CREB5: variants seen among roughly 807,000 people sequenced by gnomAD.
CREB5 encodes cAMP responsive element binding protein 5, also known as cyclic AMP-responsive element-binding protein 5.
Under a neutral mutation model 57.1 loss-of-function variants are expected in CREB5, and 19 were observed. The observed-to-expected ratio is 0.33, with a 90% CI of 0.23 to 0.49. The LOEUF (loss-of-function observed/expected upper bound fraction) is 0.49, where lower values mean the gene tolerates loss of function less well. Ranked by LOEUF, CREB5 falls within the 20% of genes least tolerant of loss-of-function variation. The pLI is 0.99. For synonymous variants in CREB5, 238 were observed against 238.3 expected, an observed-to-expected ratio of 1.00 and a Z score of 0.01; for missense variants, 579 against 671.6, an observed-to-expected ratio of 0.86 and a Z score of 1.52.
At chr7:28,508,123 T>A (rs1399309769) in intron 4 of CREB5, among the ~76,000 whole-genome samples, 1 of 152,224 alleles carries the variant, frequency 6.6e-6, no homozygotes, top group African/African-American at 2.4e-5. Flanking sequence ...CTGTTTTCGA[T>A]AATCTTTCCA....
At chr7:28,409,091 A>T (rs561081258), upstream of CREB5, among the ~76,000 whole-genome samples, 227 of 151,976 alleles carry the variant, frequency 1.5e-3, 1 homozygote, top group Non-Finnish European at 2.3e-3. The surrounding 1 kb of genome is among the most constrained non-coding windows in gnomAD (Gnocchi z 4.4). Flanking sequence ...CACTAATGTC[A>T]GGGAGCCGTG....
chr7:28,560,841 T>TGTGC (rs1443960015), intron 4 of CREB5, among the ~76,000 whole-genome samples: 1 of 75,062 alleles, frequency 1.3e-5, no homozygotes, highest in African/African-American at 4.9e-5. Context: ...CGCGTGTGTG[T>TGTGC]GTGCGCGTGT....
chr7:28,412,644 C>G lies in CREB5; in HGVS notation c.-271C>G. On this transcript the variant is annotated 5_prime_UTR_variant, in exon 1 of 11. Coordinates refer to ENST00000357727, the MANE Select transcript of CREB5 (RefSeq NM_182898.4). The stretch of plus-strand genomic sequence containing the variant: ...GTTCAAGACTACTGGAAAAATTAGT[C>G]TCATTACTAAAAGAAACTTAGAGAA... 2.9e-6 allele frequency: 1 copy of G among 344,138 alleles called. No individual in the cohort carries two copies. Among genetic ancestry groups the G allele is most frequent in the East Asian group, 4.3e-5 (1 of 23,112 alleles). The allele number at this position is 344,138 out of a possible 1,614,324, so 21.3% of individuals were successfully genotyped here. A position where few individuals can be genotyped will look rare whatever the true frequency, so the allele number is the denominator to read the frequency against.
intron 5 of CREB5, among the ~76,000 whole-genome samples, chr7:28,626,941 T>G (rs1055480784): frequency 6.6e-6 from 1 of 151,848 alleles, no homozygotes; most frequent in East Asian, 1.9e-4. Context: ...GATACAGGGG[T>G]TTTTTTTCTC....
chr7:28,458,659 T>C (rs532055343), intron 1 of CREB5, among the ~76,000 whole-genome samples: 3 of 152,344 alleles, frequency 2.0e-5, no homozygotes, highest in Admixed American at 2.0e-4. Flanking sequence ...CAGACCTGGG[T>C]TTGAATCCCA....
intron 5 of CREB5, among the ~76,000 whole-genome samples, chr7:28,642,987 T>TACACACAGACACACAC (rs1562544746): frequency 1.0e-5 from 1 of 98,332 alleles, no homozygotes. Context: ...CACACACACA[T>TACACACAGACACACAC]ACACACACAC....
Position 28,368,365 on chromosome 7 carries a change from C to A in CREB5, c.-25+68924C>A, listed in dbSNP as rs370789773. Among the ~76,000 whole-genome samples, 65 of 152,090 alleles carry A rather than the reference C, an allele frequency of 4.3e-4. 1 individual carries two copies. The South Asian group carries it at 0.013, about 31-fold the overall frequency. On this transcript the variant is annotated intron_variant, in intron 1 of 9. Coordinates refer to the CREB5 transcript ENST00000396299. Reference sequence around the variant, plus strand: ...TCCATGTAACCAAAAACCACCTGTACCCCTAAAGCTATTGAAACAAAAATA... The same window carrying A: ...TCCATGTAACCAAAAACCACCTGTAACCCTAAAGCTATTGAAACAAAAATA...
intron 1 of CREB5, among the ~76,000 whole-genome samples, chr7:28,317,431 G>C (rs1300149593): frequency 6.6e-6 from 1 of 152,198 alleles, no homozygotes; most frequent in Non-Finnish European, 1.5e-5. Context: ...GAGTGGGCAG[G>C]GGAAGAGGCA....
intron 1 of CREB5, among the ~76,000 whole-genome samples, chr7:28,454,619 G>T (rs1231936446): frequency 6.6e-6 from 1 of 152,108 alleles, no homozygotes; most frequent in Non-Finnish European, 1.5e-5. Flanking sequence ...GTCTGCCCTC[G>T]CTCCACCCTC....
chr7:28,789,449 A>G (rs931205040), intron 7 of CREB5, among the ~76,000 whole-genome samples: 1 of 152,080 alleles, frequency 6.6e-6, no homozygotes, highest in Non-Finnish European at 1.5e-5. Context: ...CTTAGTTTCA[A>G]AATAGGTCTC....
At chr7:28,699,336 G>A (rs907706015) in intron 5 of CREB5, among the ~76,000 whole-genome samples, 9 of 152,092 alleles carry the variant, frequency 5.9e-5, no homozygotes, top group South Asian at 2.1e-4. Context: ...TCAATTCATC[G>A]TAGACCAAGA....
intron 10 of CREB5, 44 bp from the exon 11 acceptor site, chr7:28,819,072 G>GT: frequency 6.3e-7 from 1 of 1,574,874 alleles, no homozygotes; most frequent in Non-Finnish European, 8.6e-7. Flanking sequence ...GACCTATATT[G>GT]GTGTGTGTGT....
chr7:28,463,977 T>A (rs1790455079), intron 1 of CREB5, among the ~76,000 whole-genome samples: 1 of 152,110 alleles, frequency 6.6e-6, no homozygotes, highest in African/African-American at 2.4e-5. Context: ...TGAGAGCTAA[T>A]ATCTTTCTCT....
At chr7:28,376,956 A>T (rs1004957349) in intron 1 of CREB5, among the ~76,000 whole-genome samples, 5 of 152,212 alleles carry the variant, frequency 3.3e-5, no homozygotes, top group Non-Finnish European at 7.3e-5. Flanking sequence ...TCTATTCCCA[A>T]TCATACAATT....
At chr7:28,795,468 G>C (rs1444243424) in intron 7 of CREB5, among the ~76,000 whole-genome samples, 1 of 152,154 alleles carries the variant, frequency 6.6e-6, no homozygotes, top group African/African-American at 2.4e-5. Context: ...AGAAAAGGAG[G>C]GTACCAGTAT....
chr7:28,721,285 G>A (rs1031822244), intron 6 of CREB5, among the ~76,000 whole-genome samples: 1 of 152,134 alleles, frequency 6.6e-6, no homozygotes, highest in African/African-American at 2.4e-5. Flanking sequence ...CACAACAAAG[G>A]ATTATTTAGC....
At chr7:28,809,608 C>G (rs1054146120) in intron 9 of CREB5, among the ~76,000 whole-genome samples, 194 bp downstream of exon 9, 8 of 152,164 alleles carry the variant, frequency 5.3e-5, no homozygotes, top group African/African-American at 1.9e-4. Context: ...AGTTTTCAAT[C>G]AATTTGCCCA....
intron 5 of CREB5, among the ~76,000 whole-genome samples, chr7:28,602,823 T>C (rs2128670987): frequency 6.6e-6 from 1 of 152,296 alleles, no homozygotes; most frequent in East Asian, 1.9e-4. Flanking sequence ...TGTGATAAAA[T>C]TTCACAGAAC....
intron 5 of CREB5, among the ~76,000 whole-genome samples, chr7:28,670,663 A>G (rs934384892): frequency 6.6e-6 from 1 of 152,202 alleles, no homozygotes; most frequent in South Asian, 2.1e-4. Context: ...CTTTAATTCT[A>G]CATATCTCCC....
Sources: gnomAD v4.1 joint callset for allele counts (sites outside exome capture counted in the v4.1 genomes callset) on GRCh38, gnomAD v4.1.1 for gene constraint, Gnocchi (gnomAD v3.1) non-coding constraint, MANE v1.5 for transcripts, NCBI Gene and HGNC (gene_info 2026-07-23, HGNC 2026-07-21) for gene names.